ZNF532: variants seen among roughly 807,000 people sequenced by gnomAD.
The protein encoded by ZNF532 is zinc finger protein 532.
Under a neutral mutation model 89.3 loss-of-function variants are expected in ZNF532, and 22 were observed. That is an observed-to-expected ratio of 0.25 (90% CI 0.18 to 0.35). The LOEUF (loss-of-function observed/expected upper bound fraction) is 0.35, where lower values mean the gene tolerates loss of function less well. ZNF532 is among the 10% of genes least tolerant of loss of function. ZNF532 has a pLI of 1.00. For synonymous variants in ZNF532, 606 were observed against 649.6 expected (o/e 0.93, Z 1.02); for missense variants, 1,132 against 1,643.4 (o/e 0.69, Z 5.38).
chr18:58,867,218 C>T (rs948785414), intron 2 of ZNF532, among the ~76,000 whole-genome samples: 3 of 151,766 alleles, frequency 2.0e-5, no homozygotes, highest in Non-Finnish European at 2.9e-5. Context: ...CTATACAGTG[C>T]GAATATGTTT....
chr18:58,875,079 A>C (rs564612015), intron 2 of ZNF532, among the ~76,000 whole-genome samples: 104 of 152,316 alleles, frequency 6.8e-4, no homozygotes, highest in Non-Finnish European at 2.1e-4. Flanking sequence ...ATGAAAAAAA[A>C]CAGAATATCT....
chr18:58,951,358 A>G (rs1403764349), intron 6 of ZNF532, among the ~76,000 whole-genome samples: 3 of 152,194 alleles, frequency 2.0e-5, no homozygotes, highest in Non-Finnish European at 4.4e-5. Context: ...ATATTTTAAT[A>G]TTTTATCCTT....
chr18:58,983,903 A>T, intron 9 of ZNF532, 69 bp from the exon 10 acceptor site: 1 of 1,533,346 alleles, frequency 6.5e-7, no homozygotes, highest in Non-Finnish European at 8.8e-7. Flanking sequence ...AAAGTAAGAG[A>T]ACCGATCATT....
intron 3 of ZNF532, among the ~76,000 whole-genome samples, chr18:58,927,092 T>A (rs2061586656): frequency 6.6e-6 from 1 of 152,176 alleles, no homozygotes; most frequent in Admixed American, 6.5e-5. Flanking sequence ...TGGTGTTAGT[T>A]TTTCTTTGGT....
intron 7 of ZNF532, among the ~76,000 whole-genome samples, chr18:58,961,624 G>A (rs1341627238): frequency 6.6e-6 from 1 of 152,264 alleles, no homozygotes; most frequent in African/African-American, 2.4e-5. Context: ...GTCACCTGCA[G>A]TAAGGTGGCC....
chr18:58,973,901 T>C (rs1349984511), intron 7 of ZNF532, among the ~76,000 whole-genome samples: 2 of 152,114 alleles, frequency 1.3e-5, no homozygotes, highest in African/African-American at 4.8e-5. Flanking sequence ...TCACGTGTAC[T>C]GTATGGCTCC....
intron 4 of ZNF532, among the ~76,000 whole-genome samples, chr18:58,938,247 G>A (rs1055831552): frequency 1.1e-4 from 17 of 152,172 alleles, no homozygotes; most frequent in Admixed American, 6.5e-4. Context: ...TTGTATTAGA[G>A]GTAAATTTCT....
At position 58,939,632 on chromosome 18, in the gene ZNF532, C is replaced by T. The variant is rs1451628496; in HGVS notation, c.2705+11C>T. On this transcript the variant is annotated intron_variant, in intron 5 of 9. Transcript: ENST00000591808. ...GATAGGAGAACCAAAGTAAGTCATA[C>T]CGACTTTCAAGTTTTACTCCACTGC... The T allele has an allele frequency of 6.2e-7, 1 of 1,605,402 alleles. No individual in the cohort carries two copies. The highest frequency in any genetic ancestry group is 1.1e-5 in the South Asian group (1 of 89,152).
intron 2 of ZNF532, among the ~76,000 whole-genome samples, chr18:58,900,202 AGCTGGACTCATCG>A (rs1276534820): frequency 6.6e-6 from 1 of 152,108 alleles, no homozygotes. Context: ...TTCCTCGTGG[AGCTGGACTCATCG>A]GAGGATCGCA....
At position 58,918,293 on chromosome 18, in the gene ZNF532, C is replaced by T; in HGVS notation, c.6C>T (p.Thr2=). 1.9e-6 allele frequency: 3 copies of T among 1,613,024 alleles called. No homozygotes were observed. The highest frequency in any genetic ancestry group is 2.5e-6 in the Non-Finnish European group (3 of 1,179,362). M[T]MGDMKTPDFD... is the part of the protein sequence containing the mutation. ...CAGAACATCTGCTCAAATTAATGAC[C>T]ATGGGGGATATGAAGACCCCAGACT... Residue 2 remains threonine (T), a synonymous_variant, in exon 3 of 10, where the codon ACC becomes ACT. Transcript: ENST00000591808.
intron 3 of ZNF532, among the ~76,000 whole-genome samples, chr18:58,922,108 C>CAA (rs757599435): frequency 4.4e-5 from 6 of 136,938 alleles, no homozygotes; most frequent in African/African-American, 1.6e-4. Context: ...ACCCTGTCTC[C>CAA]AAAAAAAAAA....
intron 2 of ZNF532, among the ~76,000 whole-genome samples, chr18:58,908,550 A>G (rs1464401567): frequency 6.6e-6 from 1 of 152,264 alleles, no homozygotes; most frequent in African/African-American, 2.4e-5. Flanking sequence ...TTCAAATAAT[A>G]GGAAAAGTGA....
At chr18:58,959,523 A>AAT (rs1319106065) in intron 7 of ZNF532, among the ~76,000 whole-genome samples, 7 of 152,008 alleles carry the variant, frequency 4.6e-5, no homozygotes, top group African/African-American at 1.7e-4. Flanking sequence ...AAGTGCTGGG[A>AAT]TTATAGGCAT....
chr18:58,879,780 G>A (rs920692823), intron 2 of ZNF532, among the ~76,000 whole-genome samples: 1 of 152,168 alleles, frequency 6.6e-6, no homozygotes, highest in African/African-American at 2.4e-5. Context: ...AGTGGTAGGG[G>A]TGGATTTTCC....
intron 7 of ZNF532, among the ~76,000 whole-genome samples, chr18:58,959,183 C>G (rs975311504): frequency 1.3e-5 from 2 of 151,628 alleles, no homozygotes; most frequent in African/African-American, 4.9e-5. Context: ...TATCCTAAAG[C>G]AGAGGCATAT....
At chr18:58,916,355 T>C (rs2060599162) in intron 2 of ZNF532, among the ~76,000 whole-genome samples, 1 of 152,222 alleles carries the variant, frequency 6.6e-6, no homozygotes, top group Non-Finnish European at 1.5e-5. Context: ...AACAAAACCA[T>C]AATCACAGAC....
Position 58,979,087 on chromosome 18 carries a change from C to T in ZNF532, c.3183C>T (p.Asp1061=), listed in dbSNP as rs1406313622. 4 of 1,612,576 alleles carry T rather than the reference C, an allele frequency of 2.5e-6. No individual in the cohort carries two copies. Among genetic ancestry groups the T allele is most frequent in the South Asian group, 1.1e-5 (1 of 91,000 alleles). ...AGAAACACCCCTGCCGCCAGTGTGA[C>T]AAGTCTTTCAGCTCGTCCCACAGCC... is the stretch of plus-strand genomic sequence containing the variant. The part of the protein sequence containing the change: ...QMKKHPCRQC[D]KSFSSSHSLC... The change falls in exon 8 of 10, where the codon GAC becomes GAT. Residue 1061 remains aspartate (D), a synonymous_variant. Transcript: ENST00000591808.
chr18:58,918,594 A>G lies in ZNF532; in HGVS notation c.307A>G (p.Ser103Gly), dbSNP rs747234584. 1.9e-6 allele frequency: 3 copies of G among 1,614,126 alleles called. No individual in the cohort carries two copies. The highest frequency in any genetic ancestry group is 1.7e-5 in the Admixed American group (1 of 60,016). Reference sequence around the variant, plus strand: ...CACAGCATCCTCCCTTGACAGTTACAGTAAAGATGGAGCAAAGTCCTTGAA... The same window carrying G: ...CACAGCATCCTCCCTTGACAGTTACGGTAAAGATGGAGCAAAGTCCTTGAA... ...FLTASSLDSY[S>G]KDGAKSLKGD... The change falls in exon 3 of 10, where the codon AGT becomes GGT. Residue 103 changes from serine to glycine, a missense_variant. Transcript: ENST00000591808.
chr18:58,868,135 C>T (rs548879221), intron 2 of ZNF532, among the ~76,000 whole-genome samples: 15 of 152,300 alleles, frequency 9.8e-5, no homozygotes, highest in African/African-American at 2.6e-4. Flanking sequence ...AGAACTCCAG[C>T]TGGCTGTTAA....
Sources: allele counts gnomAD v4.1 joint callset (sites outside exome capture counted in the v4.1 genomes callset), GRCh38; gene constraint gnomAD v4.1.1; transcripts MANE v1.5; gene names NCBI Gene and HGNC (gene_info 2026-07-23, HGNC 2026-07-21).